PTPRK: variants seen among roughly 807,000 people sequenced by gnomAD.
PTPRK encodes receptor-type tyrosine-protein phosphatase kappa.
A neutral mutation model predicts 178.0 loss-of-function variants in PTPRK; 75 were observed. The observed-to-expected ratio is 0.42, with a 90% CI of 0.35 to 0.51. The LOEUF (loss-of-function observed/expected upper bound fraction) is 0.51. Ranked by LOEUF, PTPRK falls within the 20% of genes least tolerant of loss-of-function variation. PTPRK has a pLI of 0.02. For missense variants in PTPRK, 1,441 were observed against 1,797.8 expected, an observed-to-expected ratio of 0.80 and a Z score of 3.59; for synonymous variants, 637 against 620.6, an observed-to-expected ratio of 1.03 and a Z score of -0.39.
In PTPRK at chr6:128,082,470, C is replaced by T. The variant is rs1026170077; in HGVS notation, c.1744G>A (p.Ala582Thr). Residue 582 changes from alanine (A) to threonine (T), a missense_variant, in exon 10 of 30, where the codon GCC becomes ACC. By Grantham distance (58) the Ala-to-Thr change is moderately conservative. Transcript: ENST00000368226. ...TTGGTGGTGACATTGATGGCTGTGG[C>T]TGGACCAAAGCCTTTGACCGTGCTG... ...RASTVKGFGP[A>T]TAINVTTNIS... The T allele has an allele frequency of 6.2e-7, 1 of 1,612,986 alleles. No individual in the cohort carries two copies. Among genetic ancestry groups the T allele is most frequent in the South Asian group, 1.1e-5 (1 of 91,064 alleles).
intron 15 of PTPRK, among the ~76,000 whole-genome samples, chr6:128,001,735 A>G (rs906929055): frequency 3.3e-5 from 5 of 151,974 alleles, no homozygotes; most frequent in African/African-American, 9.7e-5. Context: ...AGGTATTTTT[A>G]TGAGTTCATA....
At chr6:128,469,095 A>G (rs1334338898) in intron 1 of PTPRK, among the ~76,000 whole-genome samples, 1 of 152,190 alleles carries the variant, frequency 6.6e-6, no homozygotes, top group Admixed American at 6.5e-5. Flanking sequence ...AGATCACTAT[A>G]TCCATGGCAA....
chr6:127,976,042 G>T (rs1295730586), intron 27 of PTPRK, among the ~76,000 whole-genome samples: 2 of 152,064 alleles, frequency 1.3e-5, no homozygotes, highest in African/African-American at 2.4e-5. Context: ...AGCAAATGAG[G>T]AGTCAGAGAA....
At chr6:128,081,929 C>T (rs760513527) in intron 10 of PTPRK, among the ~76,000 whole-genome samples, 3 of 151,922 alleles carry the variant, frequency 2.0e-5, no homozygotes, top group Non-Finnish European at 4.4e-5. Context: ...TTCTTCTGTA[C>T]GTTCCCATTT....
In PTPRK at chr6:127,973,082, G is replaced by A. The variant is rs374115534; in HGVS notation, c.4209C>T (p.Val1403=). 323 of 1,613,864 alleles carry A rather than the reference G, an allele frequency of 2.0e-4. No individual in the cohort carries two copies. Among genetic ancestry groups the A allele is most frequent in the Middle Eastern group, 3.3e-4 (2 of 6,084 alleles). ...GTGTCTTTACTGCATGGAAAACATC[G>A]ACAACATTTTGCCGTTTCACCATTT... ...VVEMVKRQNV[V]DVFHAVKTLR... Residue 1403 remains valine, a synonymous_variant, in exon 29 of 30, where the codon GTC becomes GTT. Transcript: ENST00000368226.
chr6:128,317,686 T>C (rs1468811709), intron 3 of PTPRK, among the ~76,000 whole-genome samples: 3 of 152,178 alleles, frequency 2.0e-5, no homozygotes. Flanking sequence ...AATGCCTTCT[T>C]CTGTCACCCT....
intron 3 of PTPRK, among the ~76,000 whole-genome samples, chr6:128,271,061 T>TA (rs1248655086): frequency 5.3e-5 from 8 of 151,062 alleles, no homozygotes; most frequent in South Asian, 2.1e-4. Flanking sequence ...TTGAAGGTAT[T>TA]AAAAAAAAAG....
chr6:128,045,139 C>T (rs1416881091), intron 13 of PTPRK, among the ~76,000 whole-genome samples: 2 of 152,052 alleles, frequency 1.3e-5, no homozygotes, highest in Non-Finnish European at 2.9e-5. Context: ...GTCATCATCG[C>T]TGTTCTTGAA....
chr6:128,344,181 A>C (rs1488401078), intron 2 of PTPRK, among the ~76,000 whole-genome samples: 1 of 152,130 alleles, frequency 6.6e-6, no homozygotes, highest in South Asian at 2.1e-4. Flanking sequence ...ACTTCCTCAC[A>C]TGGATTCTCT....
At chr6:128,108,559 T>C (rs1790118650) in intron 7 of PTPRK, among the ~76,000 whole-genome samples, 1 of 152,188 alleles carries the variant, frequency 6.6e-6, no homozygotes. Flanking sequence ...CCATAACCTG[T>C]CTTCACCTGG....
chr6:128,447,420 T>C (rs1280902299), intron 1 of PTPRK, among the ~76,000 whole-genome samples: 1 of 152,172 alleles, frequency 6.6e-6, no homozygotes, highest in Non-Finnish European at 1.5e-5. Context: ...CCACTAGGAG[T>C]TGGCTACTTT....
intron 2 of PTPRK, among the ~76,000 whole-genome samples, chr6:128,343,159 G>A (rs1236708604): frequency 6.6e-6 from 1 of 152,026 alleles, no homozygotes; most frequent in African/African-American, 2.4e-5. Flanking sequence ...ATGTTGTTCT[G>A]GATATCGTAA....
chr6:128,276,025 T>A (rs1033137910), intron 3 of PTPRK, among the ~76,000 whole-genome samples: 6 of 151,938 alleles, frequency 3.9e-5, no homozygotes, highest in Admixed American at 6.6e-5. Flanking sequence ...ATGTAAACTT[T>A]AAAAAAAATT....
At chr6:128,202,585 C>T (rs1248158552) in intron 6 of PTPRK, among the ~76,000 whole-genome samples, 1 of 152,146 alleles carries the variant, frequency 6.6e-6, no homozygotes, top group Non-Finnish European at 1.5e-5. Flanking sequence ...GACCAACTGG[C>T]TTGGAATTCC....
intron 7 of PTPRK, among the ~76,000 whole-genome samples, chr6:128,173,174 G>C (rs573077702): frequency 7.2e-5 from 11 of 152,076 alleles, no homozygotes; most frequent in South Asian, 4.1e-4. Flanking sequence ...TTAAAATGCA[G>C]CTACAGAAAT....
chr6:128,494,400 A>G (rs758772832), intron 1 of PTPRK, among the ~76,000 whole-genome samples: 2 of 152,214 alleles, frequency 1.3e-5, no homozygotes, highest in Admixed American at 6.5e-5. Flanking sequence ...CCTTCTAAAT[A>G]TATCCCTGAA....
At chr6:128,085,063 T>A (rs1237476321) in intron 8 of PTPRK, 2 of 152,166 alleles carry the variant, frequency 1.3e-5, no homozygotes, top group Admixed American at 1.3e-4. Flanking sequence ...AGAGCAGGAT[T>A]TATTTCAATC....
chr6:128,036,890 C>T (rs1004194302), intron 13 of PTPRK, among the ~76,000 whole-genome samples: 2 of 152,046 alleles, frequency 1.3e-5, no homozygotes, highest in African/African-American at 4.8e-5. Context: ...CACCACCATG[C>T]CCAGCTAATT....
At chr6:128,507,148 A>G (rs1856490519) in intron 1 of PTPRK, among the ~76,000 whole-genome samples, 1 of 152,180 alleles carries the variant, frequency 6.6e-6, no homozygotes, top group Non-Finnish European at 1.5e-5. Flanking sequence ...GCACTCTTAA[A>G]CACTATGCTC....
Sources: gnomAD v4.1 joint callset for allele counts (sites outside exome capture counted in the v4.1 genomes callset) on GRCh38, gnomAD v4.1.1 for gene constraint, MANE v1.5 for transcripts, NCBI Gene and HGNC (gene_info 2026-07-23, HGNC 2026-07-21) for gene names.